SPOCK3: variants seen among roughly 807,000 people sequenced by gnomAD.
SPOCK3 encodes the protein SPARC (osteonectin), cwcv and kazal like domains proteoglycan 3.
In SPOCK3, 30 loss-of-function variants were observed where a neutral mutation model predicts 56.6. That is an observed-to-expected ratio of 0.53 (90% CI 0.40 to 0.72). SPOCK3 has a LOEUF of 0.72. Ranked by LOEUF, SPOCK3 falls within the 30% of genes least tolerant of loss-of-function variation. SPOCK3 has a pLI of 0.00. For synonymous variants in SPOCK3, 196 were observed against 183.3 expected (o/e 1.07, Z -0.56); for missense variants, 527 against 530.0 (o/e 0.99, Z 0.06).
chr4:167,001,033 C>A (rs1748903971), intron 3 of SPOCK3, among the ~76,000 whole-genome samples: 2 of 152,144 alleles, frequency 1.3e-5, no homozygotes, highest in Admixed American at 6.6e-5. Context: ...AATATTTGGA[C>A]CACCATTTCT....
intron 2 of SPOCK3, among the ~76,000 whole-genome samples, chr4:167,227,794 T>C (rs879318871): frequency 7.2e-5 from 11 of 152,136 alleles, no homozygotes; most frequent in Admixed American, 7.2e-4. Context: ...GAACATAAAA[T>C]GTCACTCTGA....
intron 6 of SPOCK3, among the ~76,000 whole-genome samples, chr4:166,836,315 G>A (rs1746616770): frequency 6.6e-6 from 1 of 152,014 alleles, no homozygotes; most frequent in South Asian, 2.1e-4. Flanking sequence ...TTCTCAACAC[G>A]ATTTTATCAT....
intron 1 of SPOCK3, 90 bp downstream of exon 1, chr4:167,234,360 G>A (rs1053961297): frequency 6.4e-6 from 4 of 621,874 alleles, no homozygotes; most frequent in Non-Finnish European, 1.1e-5. Flanking sequence ...TCACACACAC[G>A]CAGACCCAGA....
rs1344544935 is a variant in SPOCK3 at position 166,734,000 on chromosome 4, C to A, written c.*921G>T. 3.3e-5 allele frequency: 5 copies of A among 152,024 alleles called. No homozygotes were observed. Among genetic ancestry groups the A allele is most frequent in the African/African-American group, 1.2e-4 (5 of 41,366 alleles). 9.4% of individuals were successfully genotyped at this position (152,024 alleles called of 1,614,324 possible). ...CACTACTAACAAAAATAACATAATT[C>A]TAAGATTAAATGCAAACTTTTACCT... is the stretch of plus-strand genomic sequence containing the variant. On this transcript the variant is annotated 3_prime_UTR_variant, in exon 11 of 11. Transcript: ENST00000357545.
chr4:166,856,406 G>A (rs1275700229), intron 6 of SPOCK3, among the ~76,000 whole-genome samples: 1 of 152,138 alleles, frequency 6.6e-6, no homozygotes, highest in Non-Finnish European at 1.5e-5. Flanking sequence ...TGATCATTCT[G>A]TAATGAATAC....
intron 2 of SPOCK3, among the ~76,000 whole-genome samples, chr4:167,192,524 G>A (rs1217201688): frequency 6.9e-6 from 1 of 145,286 alleles, no homozygotes; most frequent in Non-Finnish European, 1.5e-5. Flanking sequence ...TAGGTTGTAT[G>A]TTTCTAAAAA....
At chr4:166,827,956 G>C (rs1328508094) in intron 6 of SPOCK3, among the ~76,000 whole-genome samples, 1 of 151,706 alleles carries the variant, frequency 6.6e-6, no homozygotes, top group Non-Finnish European at 1.5e-5. Flanking sequence ...AAAACTTTTA[G>C]CAGCCCATAA....
At chr4:167,207,203 A>T (rs191536613) in intron 2 of SPOCK3, among the ~76,000 whole-genome samples, 13 of 152,208 alleles carry the variant, frequency 8.5e-5, no homozygotes, top group African/African-American at 3.1e-4. Context: ...GTATTGACAG[A>T]TGTGTTGATT....
intron 2 of SPOCK3, among the ~76,000 whole-genome samples, chr4:167,103,500 C>T (rs1475630873): frequency 6.6e-6 from 1 of 152,188 alleles, no homozygotes; most frequent in African/African-American, 2.4e-5. Flanking sequence ...AGAGGCTCCT[C>T]TGTCCATGGA....
At chr4:167,057,370 T>C (rs944416999) in intron 3 of SPOCK3, among the ~76,000 whole-genome samples, 3 of 152,176 alleles carry the variant, frequency 2.0e-5, no homozygotes, top group Non-Finnish European at 4.4e-5. Context: ...AGGAAGAAAC[T>C]GCATCAACTA....
At chr4:167,041,065 A>AT (rs1328997314) in intron 3 of SPOCK3, among the ~76,000 whole-genome samples, 21 of 152,200 alleles carry the variant, frequency 1.4e-4, no homozygotes, top group Admixed American at 3.3e-4. Context: ...CAGAGACAGC[A>AT]TGTGTGAGTG....
chr4:167,131,391 A>G lies in SPOCK3; in HGVS notation c.190-68854T>C, dbSNP rs371172835. ...CAACTGAGATCAGGAGTTCAAGACCAGCCTGGCCAACATGGTGAAACCCCA... is the reference window on the plus strand; with the variant it reads ...CAACTGAGATCAGGAGTTCAAGACCGGCCTGGCCAACATGGTGAAACCCCA... On this transcript the variant is annotated intron_variant, in intron 2 of 10. Coordinates refer to ENST00000357545, the MANE Select transcript of SPOCK3 (RefSeq NM_001040159.2). 6.7e-4 allele frequency among the ~76,000 whole-genome samples: 102 copies of G among 152,244 alleles called. 3 individuals carry two copies. The South Asian group carries it at 8.1e-3, about 12-fold the overall frequency.
At chr4:166,862,349 T>A in intron 6 of SPOCK3, among the ~76,000 whole-genome samples, 1 of 151,892 alleles carries the variant, frequency 6.6e-6, no homozygotes, top group East Asian at 1.9e-4. Context: ...AGTAAAACTA[T>A]GAAAAAGACT....
At chr4:167,163,262 TA>T (rs1378193482) in intron 2 of SPOCK3, among the ~76,000 whole-genome samples, 1 of 151,544 alleles carries the variant, frequency 6.6e-6, no homozygotes, top group Non-Finnish European at 1.5e-5. Context: ...GTTCCTTTTT[TA>T]AAACATTTAT....
chr4:167,049,108 CT>C lies in SPOCK3; in HGVS notation c.235+13383del, dbSNP rs34903732. Among the ~76,000 whole-genome samples the C allele has an allele frequency of 2.5e-3, 357 of 143,990 alleles. 2 individuals are homozygous for C. The highest frequency in any genetic ancestry group is 2.1e-3 in the Admixed American group (31 of 14,448). The allele number at this position is 143,990 out of a possible 152,430, so 94.5% of individuals were successfully genotyped here. On this transcript the variant is annotated intron_variant, in intron 3 of 10. Coordinates refer to ENST00000357545, the MANE Select transcript of SPOCK3 (RefSeq NM_001040159.2). ...TTCAAGAAAAGTTAATTTTCTTTTT[CT>C]TTTTTTTTTTTTGAGACAGAGTTTT...
At chr4:167,189,474 A>AT (rs546629790) in intron 2 of SPOCK3, among the ~76,000 whole-genome samples, 3 of 145,526 alleles carry the variant, frequency 2.1e-5, no homozygotes, top group African/African-American at 2.6e-5. Context: ...AAAATTTATT[A>AT]TTTTTTTCCA....
At chr4:167,208,990 ATCT>A (rs1561326537) in intron 2 of SPOCK3, among the ~76,000 whole-genome samples, 1 of 152,198 alleles carries the variant, frequency 6.6e-6, no homozygotes, top group Admixed American at 6.6e-5. Context: ...ATAGTGAAAT[ATCT>A]TTTTTGTCAT....
intron 2 of SPOCK3, among the ~76,000 whole-genome samples, chr4:167,180,058 C>G (rs1198311757): frequency 6.6e-6 from 1 of 152,132 alleles, no homozygotes; most frequent in African/African-American, 2.4e-5. Flanking sequence ...GTGTAGTTTA[C>G]AAGCTGGACT....
At chr4:166,976,259 T>C (rs1745931905) in intron 4 of SPOCK3, among the ~76,000 whole-genome samples, 1 of 152,184 alleles carries the variant, frequency 6.6e-6, no homozygotes, top group African/African-American at 2.4e-5. Context: ...TCTAACTTGT[T>C]ATCAAACGCT....
Sources: gnomAD v4.1 joint callset for allele counts (sites outside exome capture counted in the v4.1 genomes callset) on GRCh38, gnomAD v4.1.1 for gene constraint, MANE v1.5 for transcripts, NCBI Gene and HGNC (gene_info 2026-07-23, HGNC 2026-07-21) for gene names.